SPMIP7: variants seen among roughly 807,000 people sequenced by gnomAD.
SPMIP7 encodes sperm microtubule inner protein 7.
At chr7:50,141,739 T>TTTTTTTTTC in the SPMIP7 span, 1 of 142,006 alleles carries the variant, frequency 7.0e-6, no homozygotes. Flanking sequence ...TTTTTTTTTT[T>TTTTTTTTTC]TTTTTTTTGA....
the SPMIP7 span, among the ~76,000 whole-genome samples, chr7:50,125,137 CACACATAT>C: frequency 2.6e-4 from 10 of 38,916 alleles, 1 homozygote; most frequent in African/African-American, 8.5e-4. Flanking sequence ...CACACACACA[CACACATAT>C]ACACACATAT....
chr7:50,153,369 T>C, the SPMIP7 span, among the ~76,000 whole-genome samples: 1 of 152,196 alleles, frequency 6.6e-6, no homozygotes, highest in African/African-American at 2.4e-5. Context: ...GGCTGTGGTT[T>C]CTGGTCCACC....
At chr7:50,145,504 G>C in the SPMIP7 span, among the ~76,000 whole-genome samples, 1 of 147,538 alleles carries the variant, frequency 6.8e-6, no homozygotes, top group Non-Finnish European at 1.5e-5. Context: ...GATATGGAAA[G>C]AGTGTTGGGG....
At chr7:50,153,794 T>A in the SPMIP7 span, among the ~76,000 whole-genome samples, 1 of 152,118 alleles carries the variant, frequency 6.6e-6, no homozygotes, top group Admixed American at 6.5e-5. Context: ...CAGCAAGCAT[T>A]CCTCATGGCA....
the SPMIP7 span, among the ~76,000 whole-genome samples, chr7:50,097,489 C>T: frequency 6.6e-6 from 1 of 152,068 alleles, no homozygotes; most frequent in Non-Finnish European, 1.5e-5. Flanking sequence ...TATTTCACTG[C>T]CTGAATCAGT....
At chr7:50,106,729 T>C in the SPMIP7 span, among the ~76,000 whole-genome samples, 3 of 152,002 alleles carry the variant, frequency 2.0e-5, no homozygotes, top group Admixed American at 2.0e-4. Context: ...ATGTTGCAAA[T>C]ATGCGTAAAA....
the SPMIP7 span, among the ~76,000 whole-genome samples, chr7:50,138,691 A>G: frequency 2.2e-4 from 33 of 152,244 alleles, no homozygotes; most frequent in Non-Finnish European, 4.4e-4. Flanking sequence ...ATCAATATCA[A>G]GGATACCATT....
At chr7:50,114,886 C>T in the SPMIP7 span, among the ~76,000 whole-genome samples, 39 of 151,810 alleles carry the variant, frequency 2.6e-4, no homozygotes, top group Non-Finnish European at 5.3e-4. Flanking sequence ...AAAAATTAGC[C>T]GGATGTAGTG....
the SPMIP7 span, among the ~76,000 whole-genome samples, chr7:50,145,860 G>C: frequency 6.6e-6 from 1 of 151,064 alleles, no homozygotes; most frequent in Non-Finnish European, 1.5e-5. Flanking sequence ...CTGCCTATGA[G>C]GTACCATCCT....
the SPMIP7 span, among the ~76,000 whole-genome samples, chr7:50,145,382 G>A: frequency 6.6e-5 from 10 of 151,024 alleles, no homozygotes; most frequent in Non-Finnish European, 1.3e-4. Context: ...GTCCCTTTTA[G>A]TAACCATTTT....
At chr7:50,149,916 T>C in the SPMIP7 span, among the ~76,000 whole-genome samples, 1 of 152,118 alleles carries the variant, frequency 6.6e-6, no homozygotes, top group Non-Finnish European at 1.5e-5. Context: ...CCGGTTGGTA[T>C]CACTACCCGG....
At chr7:50,109,392 T>A in the SPMIP7 span, among the ~76,000 whole-genome samples, 1 of 124,826 alleles carries the variant, frequency 8.0e-6, no homozygotes, top group Non-Finnish European at 1.7e-5. Context: ...TATTTATTTA[T>A]TTAAGACAGA....
chr7:50,141,355 G>A, the SPMIP7 span: 3 of 1,551,584 alleles, frequency 1.9e-6, no homozygotes, highest in South Asian at 1.2e-5. Flanking sequence ...GCCAAGCAGC[G>A]GTACTCTAAG....
chr7:50,107,732 A>T, the SPMIP7 span, among the ~76,000 whole-genome samples: 1 of 152,296 alleles, frequency 6.6e-6, no homozygotes, highest in South Asian at 2.1e-4. Flanking sequence ...TATTTCTGAT[A>T]TCTCCCTGAG....
the SPMIP7 span, chr7:50,140,120 C>G: frequency 6.8e-7 from 1 of 1,475,104 alleles, no homozygotes; most frequent in Non-Finnish European, 9.1e-7. Context: ...ACCCAGTTGC[C>G]TCTCTTCTCT....
chr7:50,139,357 A>C, the SPMIP7 span, among the ~76,000 whole-genome samples: 3 of 151,838 alleles, frequency 2.0e-5, no homozygotes, highest in African/African-American at 7.3e-5. Context: ...CTCAAAAAAA[A>C]AAAAAAGAAA....
At chr7:50,133,872 T>C in the SPMIP7 span, among the ~76,000 whole-genome samples, 2 of 152,114 alleles carry the variant, frequency 1.3e-5, no homozygotes, top group Admixed American at 1.3e-4. Flanking sequence ...TAGGGACCTT[T>C]ACTACATGTG....
the SPMIP7 span, among the ~76,000 whole-genome samples, chr7:50,157,744 T>G: frequency 6.6e-6 from 1 of 152,192 alleles, no homozygotes; most frequent in East Asian, 1.9e-4. Context: ...CAAAATTATT[T>G]CAGGCCACGG....
At chr7:50,134,359 A>G in the SPMIP7 span, 1 of 923,116 alleles carries the variant, frequency 1.1e-6, no homozygotes, top group East Asian at 2.8e-5. Flanking sequence ...AAGGAAGTAA[A>G]TTTATGTAAG....
Sources: gnomAD v4.1 joint callset for allele counts (sites outside exome capture counted in the v4.1 genomes callset) on GRCh38, gnomAD v4.1.1 for gene constraint, MANE v1.5 for transcripts, NCBI Gene and HGNC (gene_info 2026-07-23, HGNC 2026-07-21) for gene names.